CPE: variants seen among roughly 807,000 people sequenced by gnomAD.
The protein encoded by CPE is carboxypeptidase E.
In CPE, 17 loss-of-function variants were observed where a neutral mutation model predicts 53.5. The observed-to-expected ratio is 0.32, with a 90% CI of 0.22 to 0.48. CPE has a LOEUF of 0.48. Among genes scored for constraint, CPE ranks in the 20% least tolerant of loss-of-function variants. The pLI is 0.99. For synonymous variants in CPE, 226 were observed against 228.8 expected (o/e 0.99, Z 0.11); for missense variants, 524 against 614.7 (o/e 0.85, Z 1.56).
At position 165,497,424 on chromosome 4, in the gene CPE, G is replaced by A. The variant is rs28465223; in HGVS notation, c.1333-88G>A. On this transcript the variant is annotated intron_variant, in intron 8 of 8. Coordinates refer to ENST00000402744, the MANE Select transcript of CPE (RefSeq NM_001873.4). Reference sequence around the variant, plus strand: ...TTTAATTCAGGTGGCTGGATTGAGTGTATACTGAAACTGCTCTTATTTTTT... The same window carrying A: ...TTTAATTCAGGTGGCTGGATTGAGTATATACTGAAACTGCTCTTATTTTTT... 1.1e-3 allele frequency: 639 copies of A among 589,634 alleles called. 4 individuals are homozygous for A. The African/African-American group carries it at 0.011, about 10-fold the overall frequency. 36.5% of individuals were successfully genotyped at this position (589,634 alleles called of 1,614,324 possible).
intron 1 of CPE, among the ~76,000 whole-genome samples, chr4:165,449,527 G>A (rs569913484): frequency 6.6e-6 from 1 of 152,204 alleles, no homozygotes; most frequent in South Asian, 2.1e-4. Flanking sequence ...TGAGTGTGAG[G>A]GCAGAAGTGT....
chr4:165,475,039 A>G (rs1448728271), intron 3 of CPE, among the ~76,000 whole-genome samples: 2 of 152,176 alleles, frequency 1.3e-5, no homozygotes, highest in South Asian at 2.1e-4. Context: ...TGAGATAAAT[A>G]CTCATGGAAA....
chr4:165,474,396 T>C (rs562787655), intron 3 of CPE, among the ~76,000 whole-genome samples: 1 of 152,292 alleles, frequency 6.6e-6, no homozygotes, highest in South Asian at 2.1e-4. Flanking sequence ...GGGATGCATC[T>C]GAGGAGTATA....
At chr4:165,445,771 C>T (rs968592350) in intron 1 of CPE, among the ~76,000 whole-genome samples, 10 of 151,950 alleles carry the variant, frequency 6.6e-5, no homozygotes, top group East Asian at 3.9e-4. Context: ...ATATTATTTT[C>T]GGTTCATTTG....
intron 1 of CPE, among the ~76,000 whole-genome samples, chr4:165,443,827 G>A (rs1731656897): frequency 6.6e-6 from 1 of 152,198 alleles, no homozygotes; most frequent in South Asian, 2.1e-4. Flanking sequence ...GATGGCATGA[G>A]GGGAAGGGCC....
chr4:165,420,787 A>G (rs1731198876), intron 1 of CPE, among the ~76,000 whole-genome samples: 1 of 152,162 alleles, frequency 6.6e-6, no homozygotes, highest in African/African-American at 2.4e-5. Context: ...GAAGTTGCAG[A>G]TTAGGTACTT....
At chr4:165,470,335 C>T (rs1732183452) in intron 3 of CPE, among the ~76,000 whole-genome samples, 1 of 152,168 alleles carries the variant, frequency 6.6e-6, no homozygotes, top group Non-Finnish European at 1.5e-5. Context: ...GGGCTGTCCA[C>T]ATGCACAGTA....
At chr4:165,486,437 T>C (rs879786097) in intron 5 of CPE, among the ~76,000 whole-genome samples, 2 of 152,176 alleles carry the variant, frequency 1.3e-5, no homozygotes, top group Non-Finnish European at 2.9e-5. Flanking sequence ...AATTAGCATA[T>C]AGTGTGAAAG....
chr4:165,477,844 G>A (rs943246623), intron 3 of CPE, among the ~76,000 whole-genome samples: 8 of 152,136 alleles, frequency 5.3e-5, no homozygotes, highest in African/African-American at 1.7e-4. Context: ...TCCAGATGCT[G>A]GAGGTAGCTG....
At chr4:165,405,573 C>T in intron 1 of CPE, 1 of 839,140 alleles carries the variant, frequency 1.2e-6, no homozygotes, top group Admixed American at 1.7e-5. Context: ...GTTAATTTTT[C>T]CACTAATCCC....
In CPE at chr4:165,426,239, G is replaced by C. The variant is rs1350234287; in HGVS notation, c.308-38151G>C. Among the ~76,000 whole-genome samples the C allele has an allele frequency of 3.9e-5, 6 of 152,262 alleles. No homozygotes were observed. The East Asian group carries it at 1.2e-3, about 29-fold the overall frequency. ...AGCTTTATTTCTGTATTTCTAAAAAGTAAAATTGAACGTTAGATTATTGGA... is the reference window on the plus strand; with the variant it reads ...AGCTTTATTTCTGTATTTCTAAAAACTAAAATTGAACGTTAGATTATTGGA... On this transcript the variant is annotated intron_variant, in intron 1 of 8. Coordinates refer to ENST00000402744, the MANE Select transcript of CPE (RefSeq NM_001873.4).
intron 1 of CPE, among the ~76,000 whole-genome samples, chr4:165,389,639 A>G (rs1449067632): frequency 6.6e-6 from 1 of 152,224 alleles, no homozygotes; most frequent in Non-Finnish European, 1.5e-5. Flanking sequence ...TCATAGCCAA[A>G]CATGCTAAAA....
At chr4:165,489,219 T>C (rs6835167) in intron 6 of CPE, among the ~76,000 whole-genome samples, 22,280 of 152,182 alleles carry the variant, frequency 0.15, 2,078 homozygotes, top group African/African-American at 0.27. Context: ...ATGGGACTGA[T>C]TGGGGTGTTC....
intron 1 of CPE, among the ~76,000 whole-genome samples, chr4:165,416,717 G>C (rs1731130029): frequency 6.6e-6 from 1 of 151,722 alleles, no homozygotes; most frequent in African/African-American, 2.4e-5. Context: ...GGGTTATATA[G>C]GTTTGTCCTA....
At chr4:165,398,630 T>C (rs546173372) in intron 1 of CPE, among the ~76,000 whole-genome samples, 1 of 152,332 alleles carries the variant, frequency 6.6e-6, no homozygotes, top group African/African-American at 2.4e-5. Flanking sequence ...CTGGTGATCA[T>C]AGTTTGGAAG....
chr4:165,467,918 C>G, intron 3 of CPE, 63 bp downstream of exon 3: 2 of 1,541,582 alleles, frequency 1.3e-6, no homozygotes, highest in Non-Finnish European at 1.8e-6. Context: ...GTTCCAATAT[C>G]TTCATCATCA....
rs958393765 is a variant in CPE at position 165,497,770 on chromosome 4, A to G, written c.*160A>G. The stretch of plus-strand genomic sequence containing the variant: ...CCTTAAAATAAATAGCCTCTTAGGT[A>G]AAAATATAAGAACTTGATATATTTC... On this transcript the variant is annotated 3_prime_UTR_variant, in exon 9 of 9. Coordinates refer to ENST00000402744, the MANE Select transcript of CPE (RefSeq NM_001873.4). The G allele has an allele frequency of 2.7e-6, 1 of 371,324 alleles. No homozygotes were observed. Among genetic ancestry groups the G allele is most frequent in the Non-Finnish European group, 4.7e-6 (1 of 211,952 alleles). 23.0% of individuals were successfully genotyped at this position (371,324 alleles called of 1,614,324 possible). A position where few individuals can be genotyped will look rare whatever the true frequency, so the allele number is the denominator to read the frequency against.
At chr4:165,390,896 A>T (rs1369649905) in intron 1 of CPE, among the ~76,000 whole-genome samples, 1 of 152,156 alleles carries the variant, frequency 6.6e-6, no homozygotes, top group East Asian at 1.9e-4. Flanking sequence ...GGAAACATGA[A>T]CTATGTGATA....
intron 1 of CPE, chr4:165,405,879 T>C (rs1730945608): frequency 1.4e-6 from 1 of 738,678 alleles, no homozygotes; most frequent in African/African-American, 1.7e-5. Context: ...TTTTTCTGTC[T>C]TTTGTTGCTA....
Sources: allele counts gnomAD v4.1 joint callset (sites outside exome capture counted in the v4.1 genomes callset), GRCh38; gene constraint gnomAD v4.1.1; transcripts MANE v1.5; gene names NCBI Gene and HGNC (gene_info 2026-07-23, HGNC 2026-07-21).